The following SH3RF1 variants were observed in gnomAD, a reference collection of about 807,000 sequenced individuals.
The protein encoded by SH3RF1 is E3 ubiquitin-protein ligase SH3RF1.
Under a neutral mutation model 74.0 loss-of-function variants are expected in SH3RF1, and 32 were observed. That is an observed-to-expected ratio of 0.43 (90% CI 0.33 to 0.58). The LOEUF (loss-of-function observed/expected upper bound fraction) is 0.58. SH3RF1 is among the 20% of genes least tolerant of loss of function. The probability of loss-of-function intolerance (pLI) is 0.05; values close to 1 mark genes in which losing one functional copy is unlikely to be tolerated. For missense variants in SH3RF1, 954 were observed against 1,130.9 expected, an observed-to-expected ratio of 0.84 and a Z score of 2.24; for synonymous variants, 396 against 439.6, an observed-to-expected ratio of 0.90 and a Z score of 1.24.
chr4:169,100,020 C>T (rs1254578980), intron 11 of SH3RF1, among the ~76,000 whole-genome samples: 1 of 152,098 alleles, frequency 6.6e-6, no homozygotes, highest in Non-Finnish European at 1.5e-5. Context: ...TTTGTAAGGC[C>T]AAATACTGGG....
At position 169,136,503 on chromosome 4, in the gene SH3RF1, T is replaced by C; in HGVS notation, c.883A>G (p.Thr295Ala). 1.9e-6 allele frequency: 3 copies of C among 1,613,876 alleles called. No individual in the cohort carries two copies. Among genetic ancestry groups the C allele is most frequent in the Middle Eastern group, 3.3e-4 (2 of 6,060 alleles). ...QSSTAPKHSD[T>A]KKNTKKRHSF... ...TGCCGCTTTTTGGTGTTCTTCTTGGTGTCGGAGTGCTTTGGGGCAGTGCTG... is the reference window on the plus strand; with the variant it reads ...TGCCGCTTTTTGGTGTTCTTCTTGGCGTCGGAGTGCTTTGGGGCAGTGCTG... The change falls in exon 5 of 12, where the codon ACC (threonine) becomes GCC (alanine). Residue 295 changes from threonine (T) to alanine (A), a missense_variant. Transcript: ENST00000284637.
chr4:169,195,958 T>A (rs1734802364), intron 2 of SH3RF1, among the ~76,000 whole-genome samples: 1 of 151,948 alleles, frequency 6.6e-6, no homozygotes, highest in South Asian at 2.1e-4. Context: ...AGTTTACAGG[T>A]GTGCACCATT....
intron 2 of SH3RF1, among the ~76,000 whole-genome samples, chr4:169,248,350 A>C (rs1731043444): frequency 6.6e-6 from 1 of 152,198 alleles, no homozygotes; most frequent in African/African-American, 2.4e-5. Context: ...GACATGGATG[A>C]AGCTGAAACC....
chr4:169,106,135 T>TGG (rs1733130572), intron 11 of SH3RF1, among the ~76,000 whole-genome samples: 1 of 151,742 alleles, frequency 6.6e-6, no homozygotes, highest in South Asian at 2.1e-4. Flanking sequence ...TATTTTGAGA[T>TGG]GGAGTCCTGC....
intron 2 of SH3RF1, among the ~76,000 whole-genome samples, chr4:169,211,727 GT>G (rs1730373200): frequency 6.6e-6 from 1 of 152,140 alleles, no homozygotes; most frequent in African/African-American, 2.4e-5. Flanking sequence ...GTGAATGTAT[GT>G]GTGTGGTTTA....
chr4:169,256,295 G>A lies in SH3RF1; in HGVS notation c.393+12525C>T, dbSNP rs772844264. Among the ~76,000 whole-genome samples, 84 of 151,844 alleles carry A rather than the reference G, an allele frequency of 5.5e-4. 1 individual carries two copies. The highest frequency in any genetic ancestry group is 1.1e-3 in the Non-Finnish European group (77 of 67,864). On this transcript the variant is annotated intron_variant, in intron 2 of 11. Coordinates refer to ENST00000284637, the MANE Select transcript of SH3RF1 (RefSeq NM_020870.4). ...GAAAGGGAGAAGGGAGGAAGAAAGG[G>A]AGGAAGGGAAGGAGGAAGGAAGGGA...
chr4:169,182,997 CAT>C (rs1734538102), intron 2 of SH3RF1, among the ~76,000 whole-genome samples: 1 of 152,060 alleles, frequency 6.6e-6, no homozygotes, highest in Non-Finnish European at 1.5e-5. Flanking sequence ...GGCTGAGCAA[CAT>C]AGCAGGGCAG....
intron 2 of SH3RF1, among the ~76,000 whole-genome samples, chr4:169,199,968 C>A (rs916032790): frequency 5.4e-5 from 8 of 149,338 alleles, no homozygotes; most frequent in Non-Finnish European, 1.2e-4. Context: ...CATAAAAGAT[C>A]GACATCATGA....
At chr4:169,239,492 A>G (rs1351422988) in intron 2 of SH3RF1, among the ~76,000 whole-genome samples, 1 of 152,208 alleles carries the variant, frequency 6.6e-6, no homozygotes, top group Non-Finnish European at 1.5e-5. Context: ...ATATGTATGT[A>G]TGTTTTTATT....
rs944145715 is a variant in SH3RF1 at position 169,130,176 on chromosome 4, T to A, written c.1069-20A>T. On this transcript the variant is annotated intron_variant, in intron 5 of 11. Coordinates refer to ENST00000284637, the MANE Select transcript of SH3RF1 (RefSeq NM_020870.4). ...ATGAACCTGCCGAGAAAAGAAAAGTTATTAAAAAGAAGACTATGTTTAATA... is the reference window on the plus strand; with the variant it reads ...ATGAACCTGCCGAGAAAAGAAAAGTAATTAAAAAGAAGACTATGTTTAATA... The A allele has an allele frequency of 4.2e-5, 63 of 1,507,898 alleles. 1 individual carries two copies. Among genetic ancestry groups the A allele is most frequent in the Non-Finnish European group, 5.6e-5 (63 of 1,127,840 alleles). The allele number at this position is 1,507,898 out of a possible 1,614,324, so 93.4% of individuals were successfully genotyped here.
At chr4:169,183,010 G>T in intron 2 of SH3RF1, among the ~76,000 whole-genome samples, 1 of 152,136 alleles carries the variant, frequency 6.6e-6, no homozygotes. Flanking sequence ...AGCAGGGCAG[G>T]GAGTTGGGGC....
chr4:169,266,203 T>A (rs1299173787), intron 2 of SH3RF1, among the ~76,000 whole-genome samples: 1 of 152,214 alleles, frequency 6.6e-6, no homozygotes, highest in Non-Finnish European at 1.5e-5. Flanking sequence ...AATCTGTTGA[T>A]AACATTCAAT....
intron 2 of SH3RF1, among the ~76,000 whole-genome samples, chr4:169,178,712 A>G (rs1734461854): frequency 6.6e-6 from 1 of 152,180 alleles, no homozygotes. Flanking sequence ...AACCAGTCCA[A>G]TCAGGCCTAG....
chr4:169,262,568 G>A (rs1356469589), intron 2 of SH3RF1, among the ~76,000 whole-genome samples: 1 of 152,156 alleles, frequency 6.6e-6, no homozygotes, highest in Non-Finnish European at 1.5e-5. Context: ...TTGGGAGGCT[G>A]AGGTGGGAGA....
chr4:169,141,979 A>T (rs1733794817), intron 4 of SH3RF1, among the ~76,000 whole-genome samples: 1 of 151,792 alleles, frequency 6.6e-6, no homozygotes, highest in Admixed American at 6.6e-5. Context: ...CACCTGGCTA[A>T]TTTTGTTTTT....
chr4:169,116,118 T>C, intron 10 of SH3RF1, 151 bp downstream of exon 10: 2 of 1,114,636 alleles, frequency 1.8e-6, no homozygotes, highest in Non-Finnish European at 2.5e-6. Context: ...ACTCTACTCC[T>C]AGCACCTGGC....
chr4:169,248,141 T>C (rs557872400), intron 2 of SH3RF1, among the ~76,000 whole-genome samples: 29 of 152,340 alleles, frequency 1.9e-4, no homozygotes, highest in Admixed American at 1.6e-3. Context: ...TTGGTGGATA[T>C]ATACCCAAAG....
At chr4:169,266,306 C>A (rs193143204) in intron 2 of SH3RF1, among the ~76,000 whole-genome samples, 18 of 152,312 alleles carry the variant, frequency 1.2e-4, no homozygotes, top group Admixed American at 3.3e-4. Flanking sequence ...TCCACGTTAT[C>A]ACTTTCAGCT....
intron 2 of SH3RF1, among the ~76,000 whole-genome samples, chr4:169,255,799 G>A (rs922305898): frequency 7.3e-5 from 11 of 150,954 alleles, no homozygotes; most frequent in African/African-American, 2.4e-4. Flanking sequence ...CAAGAGTCTC[G>A]TTCTGTTGCC....
Sources: gnomAD v4.1 joint callset for allele counts (sites outside exome capture counted in the v4.1 genomes callset) on GRCh38, gnomAD v4.1.1 for gene constraint, MANE v1.5 for transcripts, NCBI Gene and HGNC (gene_info 2026-07-23, HGNC 2026-07-21) for gene names.